The following BANK1 variants were observed in gnomAD, a reference collection of about 807,000 sequenced individuals.
The protein encoded by BANK1 is B-cell scaffold protein with ankyrin repeats.
Under a neutral mutation model 94.5 loss-of-function variants are expected in BANK1, and 95 were observed. That is an observed-to-expected ratio of 1.00 (90% confidence interval 0.85 to 1.19). The LOEUF is 1.19. Among genes scored for constraint, BANK1 ranks in the 50% most tolerant of loss-of-function variants. The pLI, the probability that BANK1 is intolerant of heterozygous loss-of-function variation, is 0.00. For synonymous variants in BANK1, 334 were observed against 308.4 expected (o/e 1.08, Z -0.87); for missense variants, 987 against 932.2 (o/e 1.06, Z -0.77).
chr4:102,043,326 T>G lies in BANK1; in HGVS notation c.1901-513T>G, dbSNP rs533431644. On this transcript the variant is annotated intron_variant, in intron 10 of 16. Coordinates refer to ENST00000322953, the MANE Select transcript of BANK1 (RefSeq NM_017935.5). ...AGCACTTTTCAGATAATGAAGTAAT[T>G]CGAATAAGCTGTTTTAATAAGTCTG... Among the ~76,000 whole-genome samples the G allele has an allele frequency of 7.9e-5, 12 of 152,198 alleles. 1 individual carries two copies. In the South Asian group the frequency reaches 1.9e-3, roughly 24 times the overall value.
At chr4:102,070,901 C>T (rs758170214) in intron 13 of BANK1, among the ~76,000 whole-genome samples, 1 of 152,188 alleles carries the variant, frequency 6.6e-6, no homozygotes. Flanking sequence ...AATCATCAAC[C>T]TCTTTCCTTA....
intron 7 of BANK1, among the ~76,000 whole-genome samples, chr4:101,994,887 G>C (rs1725825150): frequency 6.6e-6 from 1 of 152,038 alleles, no homozygotes; most frequent in Non-Finnish European, 1.5e-5. Flanking sequence ...AACAAAAAAA[G>C]TTGTCTCTTT....
At chr4:101,975,576 G>A (rs537417721) in intron 7 of BANK1, among the ~76,000 whole-genome samples, 2 of 152,250 alleles carry the variant, frequency 1.3e-5, no homozygotes, top group Admixed American at 1.3e-4. Flanking sequence ...CTGTAAAATG[G>A]CAGTGCTAAT....
intron 5 of BANK1, among the ~76,000 whole-genome samples, chr4:101,893,223 A>G (rs1408985218): frequency 6.6e-6 from 1 of 151,916 alleles, no homozygotes; most frequent in Non-Finnish European, 1.5e-5. Flanking sequence ...GTGCTGTGGT[A>G]CCCTCCATGA....
intron 4 of BANK1, among the ~76,000 whole-genome samples, chr4:101,868,625 C>T (rs564891085): frequency 6.6e-6 from 1 of 151,894 alleles, no homozygotes; most frequent in Non-Finnish European, 1.5e-5. Flanking sequence ...TGGTAAACAG[C>T]AACATTTAAT....
intron 11 of BANK1, among the ~76,000 whole-genome samples, chr4:102,045,860 G>A (rs375048871): frequency 0.031 from 4,675 of 151,350 alleles, 235 homozygotes; most frequent in African/African-American, 0.11. Context: ...GAAAATGGCC[G>A]TACTGCCCAA....
chr4:101,992,276 C>A (rs17031842), intron 7 of BANK1, among the ~76,000 whole-genome samples: 4 of 152,158 alleles, frequency 2.6e-5, no homozygotes, highest in Non-Finnish European at 4.4e-5. Context: ...CATTGATGAC[C>A]AGTGGATTTC....
At chr4:102,024,154 C>T (rs1189605981) in intron 8 of BANK1, among the ~76,000 whole-genome samples, 2 of 152,204 alleles carry the variant, frequency 1.3e-5, no homozygotes, top group Non-Finnish European at 2.9e-5. Context: ...GATTTTTCTA[C>T]ATTCTACAGT....
At chr4:102,041,995 A>C (rs1222857784) in intron 10 of BANK1, among the ~76,000 whole-genome samples, 2 of 152,008 alleles carry the variant, frequency 1.3e-5, no homozygotes, top group African/African-American at 4.8e-5. Context: ...AATTTTAAAA[A>C]CTTATCAATT....
intron 4 of BANK1, among the ~76,000 whole-genome samples, chr4:101,868,895 T>C (rs949624743): frequency 6.6e-6 from 1 of 151,846 alleles, no homozygotes; most frequent in East Asian, 1.9e-4. Context: ...TTAACAAATA[T>C]GAGAATGTAT....
At chr4:101,888,704 G>A (rs979992234) in intron 5 of BANK1, among the ~76,000 whole-genome samples, 1 of 152,122 alleles carries the variant, frequency 6.6e-6, no homozygotes, top group African/African-American at 2.4e-5. Flanking sequence ...TACCTTGCAG[G>A]ATGTTATAAA....
Position 102,008,980 on chromosome 4 carries a change from G to A in BANK1, c.1207-12534G>A, listed in dbSNP as rs1447676011. Among the ~76,000 whole-genome samples, 6 of 152,296 alleles carry A rather than the reference G, an allele frequency of 3.9e-5. No homozygotes were observed. In the East Asian group the frequency reaches 1.2e-3, roughly 29 times the overall value. On this transcript the variant is annotated intron_variant, in intron 7 of 16. Coordinates refer to ENST00000322953, the MANE Select transcript of BANK1 (RefSeq NM_017935.5). ...TTCCTGAAGTTCACTTGTTTTCTCT[G>A]GCCCCTGGCCCCAGTAGCTTCATCA...
chr4:101,821,768 A>G (rs150453653), intron 1 of BANK1, among the ~76,000 whole-genome samples: 38 of 152,282 alleles, frequency 2.5e-4, no homozygotes, highest in Middle Eastern at 3.4e-3. Context: ...GAAGATGGTT[A>G]TTGGAATTGC....
intron 7 of BANK1, among the ~76,000 whole-genome samples, chr4:101,954,469 A>C (rs1234391163): frequency 6.6e-6 from 1 of 152,102 alleles, no homozygotes; most frequent in Non-Finnish European, 1.5e-5. Context: ...AAGCCAGGTA[A>C]ACATTAGTAG....
intron 11 of BANK1, among the ~76,000 whole-genome samples, chr4:102,045,356 A>G (rs1727844541): frequency 6.6e-6 from 1 of 152,162 alleles, no homozygotes; most frequent in South Asian, 2.1e-4. Context: ...CAAAAACTGG[A>G]AGCATTCCCT....
chr4:101,894,247 A>G (rs1721985250), intron 5 of BANK1, among the ~76,000 whole-genome samples: 1 of 152,064 alleles, frequency 6.6e-6, no homozygotes, highest in African/African-American at 2.4e-5. Flanking sequence ...AAAAAAATGT[A>G]ATCCAGAGCT....
At chr4:102,071,668 A>G (rs1728767717) in intron 14 of BANK1, among the ~76,000 whole-genome samples, 2 of 152,180 alleles carry the variant, frequency 1.3e-5, no homozygotes, top group Admixed American at 1.3e-4. Flanking sequence ...AAAGACTGAT[A>G]ATGATATATG....
At chr4:101,988,323 G>A (rs1332907904) in intron 7 of BANK1, among the ~76,000 whole-genome samples, 3 of 152,118 alleles carry the variant, frequency 2.0e-5, no homozygotes, top group African/African-American at 7.2e-5. Flanking sequence ...AGCTTTTAGA[G>A]TTCTAATTAG....
chr4:101,924,488 G>T (rs918722955), intron 7 of BANK1, among the ~76,000 whole-genome samples: 26 of 151,668 alleles, frequency 1.7e-4, no homozygotes, highest in African/African-American at 6.3e-4. Flanking sequence ...AGCTTTCCTG[G>T]GTTCTCATTC....
Sources: gnomAD v4.1 joint callset for allele counts (sites outside exome capture counted in the v4.1 genomes callset) on GRCh38, gnomAD v4.1.1 for gene constraint, MANE v1.5 for transcripts, NCBI Gene and HGNC (gene_info 2026-07-23, HGNC 2026-07-21) for gene names.